PLG: variants seen among roughly 807,000 people sequenced by gnomAD.
The protein encoded by PLG is plasminogen.
In PLG, 41 loss-of-function variants were observed where a neutral mutation model predicts 104.4. The observed-to-expected ratio is 0.39, with a 90% CI of 0.31 to 0.51. PLG has a LOEUF of 0.51. Ranked by LOEUF, PLG falls within the 20% of genes least tolerant of loss-of-function variation. The pLI, the probability that PLG is intolerant of heterozygous loss-of-function variation, is 0.76. For missense variants in PLG, 891 were observed against 1,003.6 expected (o/e 0.89, Z 1.52); for synonymous variants, 337 against 357.1 (o/e 0.94, Z 0.63).
chr6:160,749,982 C>A (rs140112384), intron 17 of PLG, among the ~76,000 whole-genome samples: 1 of 152,256 alleles, frequency 6.6e-6, no homozygotes, highest in African/African-American at 2.4e-5. Context: ...GAGCCCAGAG[C>A]CCACTCACTG....
At chr6:160,733,745 GA>G (rs1383017580) in intron 12 of PLG, among the ~76,000 whole-genome samples, 1 of 150,458 alleles carries the variant, frequency 6.6e-6, no homozygotes, top group Non-Finnish European at 1.5e-5. Flanking sequence ...TCAGGAGGCT[GA>G]AGCAGGAGAA....
chr6:160,736,824 G>T lies in PLG; in HGVS notation c.1682-63G>T. ...AAACTCAGTGCTTGGAATTTGTCTC[G>T]AATTACACCACAAAATTGCTACCTT... On this transcript the variant is annotated intron_variant, in intron 13 of 18. Transcript: ENST00000308192. This position sits in a 1 kb window ranked among gnomAD's most constrained non-coding sequence, Gnocchi z 5.2. 4 of 1,606,148 alleles carry T rather than the reference G, an allele frequency of 2.5e-6. No homozygotes were observed. Among genetic ancestry groups the T allele is most frequent in the South Asian group, 2.2e-5 (2 of 90,636 alleles).
At position 160,736,973 on chromosome 6, in the gene PLG, C is replaced by T. The variant is rs1562380016; in HGVS notation, c.1768C>T (p.His590Tyr). 1 of 1,613,794 alleles carries T rather than the reference C, an allele frequency of 6.2e-7. No individual in the cohort carries two copies. The highest frequency in any genetic ancestry group is 1.3e-5 in the African/African-American group (1 of 75,010). The change falls in exon 14 of 19, where the codon CAT becomes TAT. Residue 590 changes from histidine (H) to tyrosine (Y), a missense_variant. His to Tyr is a moderately conservative substitution (Grantham distance 83). Coordinates refer to ENST00000308192, the MANE Select transcript of PLG (RefSeq NM_000301.5). The surrounding 1 kb of genome is among the most constrained non-coding windows in gnomAD (Gnocchi z 5.2). ...RVVGGCVAHPHSWPWQVSLRT... is the reference protein window; with the variant it reads ...RVVGGCVAHPYSWPWQVSLRT... ...TGTAGGGGGGTGTGTGGCCCACCCACATTCCTGGCCCTGGCAAGTCAGTCT... is the reference window on the plus strand; with the variant it reads ...TGTAGGGGGGTGTGTGGCCCACCCATATTCCTGGCCCTGGCAAGTCAGTCT...
Position 160,752,274 on chromosome 6 carries a change from A to AAG in PLG, c.2271+18_2271+19dup. 1 of 1,608,254 alleles carries AAG rather than the reference A, an allele frequency of 6.2e-7. No individual in the cohort carries two copies. The highest frequency in any genetic ancestry group is 8.5e-7 in the Non-Finnish European group (1 of 1,174,818). On this transcript the variant is annotated intron_variant, in intron 18 of 18. Coordinates refer to ENST00000308192, the MANE Select transcript of PLG (RefSeq NM_000301.5). This position sits in a 1 kb window ranked among gnomAD's most constrained non-coding sequence, Gnocchi z 4.7. ...GACAGTTGCCAGGTAAGCAAAGATCAAGAGACCAAAGTTAGTCTTGTGCTC... is the reference window on the plus strand; with the variant it reads ...GACAGTTGCCAGGTAAGCAAAGATCAAGAGAGACCAAAGTTAGTCTTGTGCTC...
At position 160,726,151 on chromosome 6, in the gene PLG, C is replaced by G. The variant is rs527689524; in HGVS notation, c.1256+3584C>G. On this transcript the variant is annotated intron_variant, in intron 10 of 18. Coordinates refer to ENST00000308192, the MANE Select transcript of PLG (RefSeq NM_000301.5). This position sits in a 1 kb window ranked among gnomAD's most constrained non-coding sequence, Gnocchi z 4.4. ...TATGCCAAACTGCAGAATACACATT[C>G]AAGTATGCATGGAGCATTCCCCAAC... Among the ~76,000 whole-genome samples, 2 of 152,078 alleles carry G rather than the reference C, an allele frequency of 1.3e-5. No individual in the cohort carries two copies. The highest frequency in any genetic ancestry group is 6.5e-5 in the Admixed American group (1 of 15,272).
chr6:160,707,039 G>A (rs1464138704), intron 2 of PLG, among the ~76,000 whole-genome samples: 3 of 152,140 alleles, frequency 2.0e-5, no homozygotes, highest in Non-Finnish European at 4.4e-5. Context: ...AGTGCCTAAG[G>A]TTGAGGCAGC....
rs1270390098 is a variant in PLG, at chr6:160,734,722, A to G, written c.1681+634A>G. Among the ~76,000 whole-genome samples, 1 of 150,562 alleles carries G rather than the reference A, an allele frequency of 6.6e-6. No individual in the cohort carries two copies. The highest frequency in any genetic ancestry group is 1.5e-5 in the Non-Finnish European group (1 of 67,826). On this transcript the variant is annotated intron_variant, in intron 13 of 18. Transcript: ENST00000308192. This position sits in a 1 kb window ranked among gnomAD's most constrained non-coding sequence, Gnocchi z 4.4. ...TGACATTAGTTCTTAAAGAATTGGA[A>G]TAACAAATCCATGGGTATTTCTGAA...
chr6:160,715,611 G>C (rs1777714652), intron 6 of PLG, among the ~76,000 whole-genome samples: 2 of 152,040 alleles, frequency 1.3e-5, no homozygotes, highest in South Asian at 4.2e-4. Flanking sequence ...GTCGCTTCTG[G>C]TCTTCCTCTT....
chr6:160,718,758 A>C lies in PLG; in HGVS notation c.1016A>C (p.Asn339Thr). ...AGGGCCCCATGGTGCCATACAACCA[A>C]CAGCCAAGTGCGGTGGGAGTACTGT... ...GKRAPWCHTT[N>T]SQVRWEYCKI... The change falls in exon 9 of 19, where the codon AAC (asparagine) becomes ACC (threonine). Residue 339 changes from asparagine to threonine, a missense_variant. Physicochemically the swap from Asn to Thr is moderately conservative, Grantham distance 65. This residue lies in a region of PLG where 854 missense variants were observed against 932.1 expected (regional missense o/e 0.92). Coordinates refer to ENST00000308192, the MANE Select transcript of PLG (RefSeq NM_000301.5). The C allele has an allele frequency of 6.2e-7, 1 of 1,613,724 alleles. No homozygotes were observed. The highest frequency in any genetic ancestry group is 8.5e-7 in the Non-Finnish European group (1 of 1,179,660).
In PLG at chr6:160,731,356, A is replaced by G. The variant is rs1777996533; in HGVS notation, c.1438+124A>G. 2.2e-6 allele frequency: 2 copies of G among 899,574 alleles called. No individual in the cohort carries two copies. The highest frequency in any genetic ancestry group is 3.6e-6 in the Non-Finnish European group (2 of 559,492). The allele number at this position is 899,574 out of a possible 1,614,324, so 55.7% of individuals were successfully genotyped here. The stretch of plus-strand genomic sequence containing the variant: ...ATCAAGTGTTTTTAGAGGGTCTGCC[A>G]TGTGGAAGGAAGCCTCAGTGCACTC... On this transcript the variant is annotated intron_variant, in intron 11 of 18. Coordinates refer to ENST00000308192, the MANE Select transcript of PLG (RefSeq NM_000301.5). The surrounding 1 kb of genome is among the most constrained non-coding windows in gnomAD (Gnocchi z 5.1).
chr6:160,702,626 A>G (rs1242983983), intron 1 of PLG, among the ~76,000 whole-genome samples: 1 of 152,228 alleles, frequency 6.6e-6, no homozygotes, highest in African/African-American at 2.4e-5. Context: ...TCTAATTGAA[A>G]AAGAGCCAAT....
In PLG at chr6:160,714,766, C is replaced by G. The variant is rs571597365; in HGVS notation, c.548-28C>G. On this transcript the variant is annotated intron_variant, in intron 5 of 18. Transcript: ENST00000308192. ...CATCCATTTCAGTTTTCTTCTTCCT[C>G]TCTGTCCTTCCTTCCCACTCTGTCC... The G allele has an allele frequency of 3.5e-5, 56 of 1,612,710 alleles. 2 individuals carry two copies. In the South Asian group the frequency reaches 5.9e-4, roughly 17 times the overall value.
chr6:160,733,146 C>A (rs1778025908), intron 12 of PLG, among the ~76,000 whole-genome samples: 1 of 152,204 alleles, frequency 6.6e-6, no homozygotes. Flanking sequence ...GTGTCAGGAA[C>A]TGGGGGGCAG....
intron 1 of PLG, among the ~76,000 whole-genome samples, chr6:160,702,981 A>T (rs1162853185): frequency 2.0e-5 from 3 of 152,192 alleles, no homozygotes; most frequent in Non-Finnish European, 4.4e-5. Context: ...ACATACATAC[A>T]TACCTGTGTG....
chr6:160,718,818 C>G lies in PLG; in HGVS notation c.1076C>G (p.Thr359Arg), dbSNP rs1459884645. ...TCCTGTGACTCCTCCCCAGTATCCA[C>G]GGAACAATTGGCTCCCACAGGTAAG... ...IPSCDSSPVS[T>R]EQLAPTAPPE... The change falls in exon 9 of 19, where the codon ACG becomes AGG. Residue 359 changes from threonine to arginine, a missense_variant. By Grantham distance (71) the Thr-to-Arg change is moderately conservative. Coordinates refer to ENST00000308192, the MANE Select transcript of PLG (RefSeq NM_000301.5). 1 of 1,613,694 alleles carries G rather than the reference C, an allele frequency of 6.2e-7. No individual in the cohort carries two copies. The highest frequency in any genetic ancestry group is 1.1e-5 in the South Asian group (1 of 91,072).
At chr6:160,730,634 A>G (rs568505461) in intron 10 of PLG, 23 of 173,904 alleles carry the variant, frequency 1.3e-4, no homozygotes, top group African/African-American at 5.5e-4. Flanking sequence ...TTCACAATAC[A>G]GTCCTATAGA....
Position 160,718,409 on chromosome 6 carries a change from A to C in PLG, c.903A>C (p.Ala301=). The C allele has an allele frequency of 6.2e-7, 1 of 1,613,572 alleles. No homozygotes were observed. The highest frequency in any genetic ancestry group is 8.5e-7 in the Non-Finnish European group (1 of 1,179,448). The change falls in exon 8 of 19, where the codon GCA becomes GCC. Residue 301 remains alanine (A), a synonymous_variant. Coordinates refer to ENST00000308192, the MANE Select transcript of PLG (RefSeq NM_000301.5). ...VSGHTCQHWS[A]QTPHTHNRTP... ...GGCACACCTGTCAGCACTGGAGTGC[A>C]CAGACCCCTCACACACATAACAGGA...
chr6:160,749,884 TCAC>T (rs1778372671), intron 17 of PLG, among the ~76,000 whole-genome samples: 1 of 81,494 alleles, frequency 1.2e-5, no homozygotes, highest in South Asian at 5.0e-4. Flanking sequence ...ACCCTCATCA[TCAC>T]CACCATTCCA....
At chr6:160,714,265 A>T (rs1777694258) in intron 5 of PLG, among the ~76,000 whole-genome samples, 1 of 152,244 alleles carries the variant, frequency 6.6e-6, no homozygotes, top group Non-Finnish European at 1.5e-5. Context: ...AAGCGCTGTC[A>T]CTTCAGGTGA....
Sources: gnomAD v4.1 joint callset for allele counts (sites outside exome capture counted in the v4.1 genomes callset) on GRCh38, gnomAD v4.1.1 for gene constraint, gnomAD v4.1.1 regional missense constraint, Gnocchi (gnomAD v3.1) non-coding constraint, MANE v1.5 for transcripts, NCBI Gene and HGNC (gene_info 2026-07-23, HGNC 2026-07-21) for gene names.